The following SAMD4A variants were observed in gnomAD, a reference collection of about 807,000 sequenced individuals.
The protein encoded by SAMD4A is sterile alpha motif domain containing 4A.
A neutral mutation model predicts 81.3 loss-of-function variants in SAMD4A; 33 were observed. The ratio of observed to expected loss-of-function variants is 0.41; its 90% CI spans 0.31 to 0.54. SAMD4A has a LOEUF of 0.54. SAMD4A is among the 20% of genes least tolerant of loss of function. SAMD4A has a pLI of 0.37. For synonymous variants in SAMD4A, 389 were observed against 382.1 expected (o/e 1.02, Z -0.21); for missense variants, 854 against 951.1 (o/e 0.90, Z 1.34).
intron 7 of SAMD4A, among the ~76,000 whole-genome samples, chr14:54,763,876 G>T (rs2038469307): frequency 6.6e-6 from 1 of 152,150 alleles, no homozygotes; most frequent in Admixed American, 6.5e-5. Context: ...GAGTGTGTAG[G>T]TGAGCCTGCG....
chr14:54,754,311 A>T (rs965658461), intron 6 of SAMD4A, among the ~76,000 whole-genome samples: 4 of 152,276 alleles, frequency 2.6e-5, no homozygotes, highest in Non-Finnish European at 1.5e-5. Flanking sequence ...AAAAGATGCC[A>T]CATGCAGAGC....
Position 54,567,834 on chromosome 14 carries a change from C to T in SAMD4A, c.-83C>T. ...CAGGAACGCGTCTCCGGCCGCGGGGCTGCGGCTCCGCCAAACTTTGGGGCG... is the reference window on the plus strand; with the variant it reads ...CAGGAACGCGTCTCCGGCCGCGGGGTTGCGGCTCCGCCAAACTTTGGGGCG... On this transcript the variant is annotated 5_prime_UTR_variant, in exon 2 of 13. Coordinates refer to ENST00000554335, the MANE Select transcript of SAMD4A (RefSeq NM_015589.6). 1.4e-6 allele frequency: 2 copies of T among 1,449,524 alleles called. No individual in the cohort carries two copies. Among genetic ancestry groups the T allele is most frequent in the Non-Finnish European group, 1.8e-6 (2 of 1,084,558 alleles). 89.8% of individuals were successfully genotyped at this position (1,449,524 alleles called of 1,614,324 possible). A position where few individuals can be genotyped will look rare whatever the true frequency, so the allele number is the denominator to read the frequency against.
chr14:54,734,354 C>T (rs1205905562), intron 3 of SAMD4A, among the ~76,000 whole-genome samples: 3 of 152,272 alleles, frequency 2.0e-5, no homozygotes, highest in African/African-American at 4.8e-5. Context: ...CACGTTGGCT[C>T]CTACGGAGAT....
chr14:54,660,980 C>G (rs890509661), intron 2 of SAMD4A, among the ~76,000 whole-genome samples: 2 of 152,158 alleles, frequency 1.3e-5, no homozygotes, highest in African/African-American at 4.8e-5. Context: ...AGGGTTTTTC[C>G]ACCTATGGAC....
intron 3 of SAMD4A, among the ~76,000 whole-genome samples, chr14:54,708,930 T>C (rs528890828): frequency 6.6e-6 from 1 of 152,280 alleles, no homozygotes; most frequent in South Asian, 2.1e-4. Context: ...TGTATGTTTA[T>C]GTTGAGATGT....
chr14:54,779,887 G>C (rs2038957317), intron 11 of SAMD4A, among the ~76,000 whole-genome samples: 1 of 152,152 alleles, frequency 6.6e-6, no homozygotes, highest in Non-Finnish European at 1.5e-5. Flanking sequence ...GAAAACAAGT[G>C]TGGCGCCTGT....
intron 3 of SAMD4A, among the ~76,000 whole-genome samples, chr14:54,719,327 G>A (rs1464960557): frequency 1.3e-5 from 2 of 152,144 alleles, no homozygotes; most frequent in Non-Finnish European, 2.9e-5. Context: ...CCCTAAGCCC[G>A]TGACAGAGTA....
intron 2 of SAMD4A, among the ~76,000 whole-genome samples, chr14:54,608,440 T>C (rs1186789422): frequency 6.6e-6 from 1 of 152,244 alleles, no homozygotes. Flanking sequence ...ATATATGTTC[T>C]TAATCGTATG....
chr14:54,624,088 G>A (rs1038959913), intron 2 of SAMD4A, among the ~76,000 whole-genome samples: 3 of 152,054 alleles, frequency 2.0e-5, no homozygotes, highest in Admixed American at 6.5e-5. Context: ...CGATTCACTT[G>A]TCTCAGCCTC....
intron 4 of SAMD4A, among the ~76,000 whole-genome samples, chr14:54,743,103 A>G (rs980118317): frequency 6.6e-6 from 1 of 152,166 alleles, no homozygotes; most frequent in Non-Finnish European, 1.5e-5. Flanking sequence ...AACCTTTGTA[A>G]GAAAGGTTGC....
intron 2 of SAMD4A, among the ~76,000 whole-genome samples, chr14:54,591,076 G>T (rs1482387380): frequency 6.6e-6 from 1 of 152,136 alleles, no homozygotes; most frequent in African/African-American, 2.4e-5. Flanking sequence ...GGATGAATGA[G>T]GGGCTATTTT....
chr14:54,593,041 A>T (rs1304366350), intron 2 of SAMD4A, among the ~76,000 whole-genome samples: 1 of 152,232 alleles, frequency 6.6e-6, no homozygotes, highest in East Asian at 1.9e-4. Context: ...ACATAGAAAA[A>T]ATAGAATGAT....
At chr14:54,774,225 C>T (rs1455714890) in intron 9 of SAMD4A, among the ~76,000 whole-genome samples, 3 of 152,212 alleles carry the variant, frequency 2.0e-5, no homozygotes, top group Non-Finnish European at 2.9e-5. Context: ...ACAAGGATTA[C>T]GCGCTGTTTT....
At chr14:54,671,891 G>A (rs899796228) in intron 2 of SAMD4A, among the ~76,000 whole-genome samples, 1 of 152,110 alleles carries the variant, frequency 6.6e-6, no homozygotes, top group African/African-American at 2.4e-5. Flanking sequence ...GCAAGAGAAG[G>A]GGTGGTGCTG....
chr14:54,614,781 C>T (rs1167789646), intron 2 of SAMD4A, among the ~76,000 whole-genome samples: 1 of 152,154 alleles, frequency 6.6e-6, no homozygotes, highest in East Asian at 1.9e-4. Context: ...TACCCACTTC[C>T]TGAGAGGAAG....
intron 2 of SAMD4A, among the ~76,000 whole-genome samples, chr14:54,611,675 G>A (rs942174694): frequency 7.9e-5 from 12 of 152,116 alleles, no homozygotes; most frequent in African/African-American, 2.7e-4. Context: ...TCAAGAGTTC[G>A]AGACCAGCCT....
intron 2 of SAMD4A, among the ~76,000 whole-genome samples, chr14:54,634,261 G>T (rs1353974229): frequency 7.7e-6 from 1 of 130,100 alleles, no homozygotes; most frequent in Non-Finnish European, 1.6e-5. Flanking sequence ...ACTCCAGCCC[G>T]GGCGACAGAG....
intron 2 of SAMD4A, among the ~76,000 whole-genome samples, chr14:54,568,893 C>T (rs989026015): frequency 6.6e-6 from 1 of 151,620 alleles, no homozygotes. Context: ...TTTCATATTA[C>T]CCTGCTAGTA....
At position 54,568,601 on chromosome 14, in the gene SAMD4A, A is replaced by C. The variant is rs534873509; in HGVS notation, c.196+489A>C. ...ACATGAAAATCCAATTTTATTATTC[A>C]TTTTTCCCCACAGATATTCTGGTTT... is the stretch of plus-strand genomic sequence containing the variant. On this transcript the variant is annotated intron_variant, in intron 2 of 12. Coordinates refer to ENST00000554335, the MANE Select transcript of SAMD4A (RefSeq NM_015589.6). Among the ~76,000 whole-genome samples, 8 of 147,712 alleles carry C rather than the reference A, an allele frequency of 5.4e-5. No individual in the cohort carries two copies. In the South Asian group the frequency reaches 1.7e-3, roughly 32 times the overall value.
Sources: gnomAD v4.1 joint callset for allele counts (sites outside exome capture counted in the v4.1 genomes callset) on GRCh38, gnomAD v4.1.1 for gene constraint, MANE v1.5 for transcripts, NCBI Gene and HGNC (gene_info 2026-07-23, HGNC 2026-07-21) for gene names.